The following TSPAN1 variants were observed in gnomAD, a reference collection of about 807,000 sequenced individuals.
TSPAN1 encodes tetraspanin-1.
A neutral mutation model predicts 26.9 loss-of-function variants in TSPAN1; 23 were observed. That is an observed-to-expected ratio of 0.85 (90% CI 0.62 to 1.21). The LOEUF is 1.21. Among genes scored for constraint, TSPAN1 ranks in the 50% most tolerant of loss-of-function variants. The pLI, the probability that TSPAN1 is intolerant of heterozygous loss-of-function variation, is 0.00. For missense variants in TSPAN1, 283 were observed against 298.4 expected, an observed-to-expected ratio of 0.95 and a Z score of 0.38; for synonymous variants, 115 against 114.8, an observed-to-expected ratio of 1.00 and a Z score of -0.01.
the TSPAN1 span, chr1:46,192,902 G>GA: frequency 6.2e-7 from 1 of 1,614,126 alleles, no homozygotes; most frequent in Non-Finnish European, 8.5e-7. Context: ...CCCCTCACCT[G>GA]AAAAAATCCA....
Position 46,175,428 on chromosome 1 carries a change from C to T in TSPAN1, c.-142+19C>T, listed in dbSNP as rs1459598233. On this transcript the variant is annotated intron_variant, in intron 1 of 8. Coordinates refer to ENST00000372003, the MANE Select transcript of TSPAN1 (RefSeq NM_005727.4). Reference sequence around the variant, plus strand: ...TTTCCCTGTAAGTATTCAGCCATAACCCTCCCCTCACGCCCTGCATAGTCA... The same window carrying T: ...TTTCCCTGTAAGTATTCAGCCATAATCCTCCCCTCACGCCCTGCATAGTCA... The T allele has an allele frequency of 2.5e-6, 1 of 394,046 alleles. No homozygotes were observed. The highest frequency in any genetic ancestry group is 4.5e-6 in the Non-Finnish European group (1 of 223,750). 24.4% of individuals were successfully genotyped at this position (394,046 alleles called of 1,614,324 possible). A position where few individuals can be genotyped will look rare whatever the true frequency, so the allele number is the denominator to read the frequency against.
At chr1:46,189,786 C>T, downstream of TSPAN1, 1 of 1,605,042 alleles carries the variant, frequency 6.2e-7, no homozygotes, top group South Asian at 1.1e-5. Context: ...GCAAAGGCTC[C>T]CTGGATCTTG....
chr1:46,192,309 T>C, the TSPAN1 span: 1 of 1,614,138 alleles, frequency 6.2e-7, no homozygotes, highest in South Asian at 1.1e-5. Flanking sequence ...GACAGTTACC[T>C]TTTCCGGTGT....
the TSPAN1 span, chr1:46,194,813 C>A: frequency 1.9e-6 from 3 of 1,613,784 alleles, no homozygotes; most frequent in Admixed American, 5.0e-5. Context: ...GCTCTTGATA[C>A]TACAGAGTGG....
downstream of TSPAN1, among the ~76,000 whole-genome samples, chr1:46,187,403 G>C (rs188495904): frequency 6.6e-6 from 1 of 152,162 alleles, no homozygotes; most frequent in Non-Finnish European, 1.5e-5. Flanking sequence ...GCAAAGCCCA[G>C]CCTAACAAAC....
chr1:46,182,304 C>CAGAAAAAAAAAAAAAAAAAAAAAA (rs1657330038), intron 3 of TSPAN1, among the ~76,000 whole-genome samples: 1 of 30,162 alleles, frequency 3.3e-5, no homozygotes, highest in Non-Finnish European at 6.2e-5. Flanking sequence ...TAGGGATAAG[C>CAGAAAAAAAAAAAAAAAAAAAAAA]AAAAAAAAAA....
the TSPAN1 span, chr1:46,193,176 G>C: frequency 1.2e-6 from 2 of 1,614,174 alleles, no homozygotes; most frequent in Non-Finnish European, 8.5e-7. Flanking sequence ...GTACTCACCG[G>C]AAACAGGTTG....
chr1:46,184,984 T>A lies in TSPAN1; in HGVS notation c.463T>A (p.Tyr155Asn), dbSNP rs776566262. The A allele has an allele frequency of 6.2e-7, 1 of 1,614,210 alleles. No individual in the cohort carries two copies. Among genetic ancestry groups the A allele is most frequent in the Non-Finnish European group, 8.5e-7 (1 of 1,180,038 alleles). The change falls in exon 7 of 9, where the codon TAT becomes AAT. Residue 155 changes from tyrosine (Y) to asparagine (N), a missense_variant. Coordinates refer to ENST00000372003, the MANE Select transcript of TSPAN1 (RefSeq NM_005727.4). ...KGLKCCGFTN[Y>N]TDFEDSPYFK... is the part of the protein sequence containing the mutation. ...GCTCAAGTGCTGTGGCTTCACCAAC[T>A]ATACGGATTTTGAGGACTCACCCTA... is the stretch of plus-strand genomic sequence containing the variant.
the TSPAN1 span, chr1:46,193,271 G>A: frequency 1.2e-6 from 2 of 1,613,960 alleles, no homozygotes; most frequent in Non-Finnish European, 1.7e-6. Context: ...GCAGAGCCAG[G>A]TGTCTGCCCC....
the TSPAN1 span, chr1:46,193,713 C>A: frequency 6.2e-7 from 1 of 1,607,396 alleles, no homozygotes; most frequent in Non-Finnish European, 8.5e-7. Context: ...TACAGCTGGG[C>A]CCAGAGTCCC....
Position 46,184,791 on chromosome 1 carries a change from C to G in TSPAN1, c.346C>G (p.His116Asp). The G allele has an allele frequency of 6.2e-7, 1 of 1,614,218 alleles. No individual in the cohort carries two copies. Among genetic ancestry groups the G allele is most frequent in the African/African-American group, 1.3e-5 (1 of 75,058 alleles). ...VALVYTTMAE[H>D]FLTLLVVPAI... is the part of the protein sequence containing the mutation. The stretch of plus-strand genomic sequence containing the variant: ...ACTGGCCTGCCTCACCCAGGCTGAG[C>G]ACTTCCTGACGTTGCTGGTAGTGCC... The change falls in exon 6 of 9, where the codon CAC (histidine) becomes GAC (aspartate). Residue 116 changes from histidine to aspartate, a missense_variant. His to Asp is a moderately conservative substitution (Grantham distance 81). Transcript: ENST00000372003.
downstream of TSPAN1, chr1:46,189,878 G>A: frequency 6.2e-7 from 1 of 1,613,970 alleles, no homozygotes; most frequent in Non-Finnish European, 8.5e-7. Context: ...TCCAGGTGGT[G>A]AAGTCATCAT....
chr1:46,184,398 G>A lies in TSPAN1; in HGVS notation c.264+1G>A. The A allele has an allele frequency of 6.2e-7, 1 of 1,614,052 alleles. No individual in the cohort carries two copies. The highest frequency in any genetic ancestry group is 8.5e-7 in the Non-Finnish European group (1 of 1,179,980). The stretch of plus-strand genomic sequence containing the variant: ...TGAGAGCAAGTGTGCCCTCGTGACG[G>A]TGTGTGAAACCCAGCTCCACAGGCT... On this transcript the variant is annotated splice_donor_variant, in intron 4 of 8. Transcript: ENST00000372003. LOFTEE classifies it high-confidence loss of function.
chr1:46,181,765 G>A (rs552432094), intron 3 of TSPAN1, among the ~76,000 whole-genome samples: 19 of 152,336 alleles, frequency 1.2e-4, no homozygotes, highest in African/African-American at 4.1e-4. Flanking sequence ...GGCTTAGGAC[G>A]GAGGTTATGG....
chr1:46,193,841 A>G, the TSPAN1 span: 2 of 1,613,862 alleles, frequency 1.2e-6, no homozygotes, highest in Non-Finnish European at 1.7e-6. Context: ...GGTATAGCCC[A>G]TTCCCAGGCT....
rs992699841 is a variant in TSPAN1, at chr1:46,181,303, G to A, written c.57+139G>A. 8.5e-6 allele frequency: 7 copies of A among 818,786 alleles called. No individual in the cohort carries two copies. In the African/African-American group the frequency reaches 1.2e-4, roughly 14 times the overall value. 50.7% of individuals were successfully genotyped at this position (818,786 alleles called of 1,614,324 possible). A position where few individuals can be genotyped will look rare whatever the true frequency, so the allele number is the denominator to read the frequency against. ...TGTCCCCTTATGAGTGGGATGCAAA[G>A]GTCTCCCCAAATGCTGCTGATTCCT... On this transcript the variant is annotated intron_variant, in intron 3 of 8. Transcript: ENST00000372003.
chr1:46,187,979 C>T (rs931400100), downstream of TSPAN1, among the ~76,000 whole-genome samples: 2 of 152,180 alleles, frequency 1.3e-5, no homozygotes, highest in Non-Finnish European at 2.9e-5. Context: ...ATCCTCCTGA[C>T]ATTAGGCCCT....
chr1:46,191,993 AG>A, the TSPAN1 span: 14 of 1,465,366 alleles, frequency 9.6e-6, no homozygotes, highest in African/African-American at 1.5e-4. Context: ...TCTTTCCCCA[AG>A]GTTACATGGC....
At position 46,175,290 on chromosome 1, in the gene TSPAN1, C is replaced by T. The variant is rs1255581538; in HGVS notation, c.-261C>T. ...CAGTTAGGAGTGTAAGGCAAGAGAG[C>T]CCCTACTTCATGGGGCAGATCAAGA... is the stretch of plus-strand genomic sequence containing the variant. On this transcript the variant is annotated 5_prime_UTR_variant, in exon 1 of 9. Coordinates refer to ENST00000372003, the MANE Select transcript of TSPAN1 (RefSeq NM_005727.4). 3 of 292,784 alleles carry T rather than the reference C, an allele frequency of 1.0e-5. No homozygotes were observed. Among genetic ancestry groups the T allele is most frequent in the African/African-American group, 2.2e-5 (1 of 46,114 alleles). 18.1% of individuals were successfully genotyped at this position (292,784 alleles called of 1,614,324 possible). A position where few individuals can be genotyped will look rare whatever the true frequency, so the allele number is the denominator to read the frequency against.
Sources: gnomAD v4.1 joint callset for allele counts (sites outside exome capture counted in the v4.1 genomes callset) on GRCh38, gnomAD v4.1.1 for gene constraint, MANE v1.5 for transcripts, NCBI Gene and HGNC (gene_info 2026-07-23, HGNC 2026-07-21) for gene names.